DNAH2: variants seen among roughly 807,000 people sequenced by gnomAD.
The protein encoded by DNAH2 is axonemal beta dynein heavy chain 2.
DNAH2 carries 323 observed loss-of-function variants against 523.5 expected under a neutral mutation model. The ratio of observed to expected loss-of-function variants is 0.62; its 90% CI spans 0.56 to 0.68. The LOEUF (loss-of-function observed/expected upper bound fraction) is 0.68. DNAH2 is among the 30% of genes least tolerant of loss of function. The pLI, the probability that DNAH2 is intolerant of heterozygous loss-of-function variation, is 0.00. For missense variants in DNAH2, 4,907 were observed against 5,701.5 expected, an observed-to-expected ratio of 0.86 and a Z score of 4.49; for synonymous variants, 2,093 against 2,177.4, an observed-to-expected ratio of 0.96 and a Z score of 1.08.
At chr17:7,733,527 G>A (rs2151137186) in intron 5 of DNAH2, among the ~76,000 whole-genome samples, 1 of 146,784 alleles carries the variant, frequency 6.8e-6, no homozygotes, top group South Asian at 2.2e-4. Flanking sequence ...GCCCAGGCTG[G>A]AGTGCAATGG....
At chr17:7,746,927 C>T (rs1249166082) in intron 12 of DNAH2, among the ~76,000 whole-genome samples, 1 of 150,354 alleles carries the variant, frequency 6.7e-6, no homozygotes, top group Admixed American at 6.7e-5. Flanking sequence ...GCGGAGGTTG[C>T]AGTGAGCCGA....
At position 7,792,661 on chromosome 17, in the gene DNAH2, C is replaced by T. The variant is rs1285418393; in HGVS notation, c.7150C>T (p.Pro2384Ser). The T allele has an allele frequency of 1.9e-6, 3 of 1,613,840 alleles. No individual in the cohort carries two copies. Among genetic ancestry groups the T allele is most frequent in the African/African-American group, 2.7e-5 (2 of 75,018 alleles). The change falls in exon 47 of 86, where the codon CCC becomes TCC. Residue 2384 changes from proline (P) to serine (S), a missense_variant. Coordinates refer to ENST00000572933, the MANE Select transcript of DNAH2 (RefSeq NM_020877.5). Reference sequence around the variant, plus strand: ...CCGGCCCCTGCTCTTCCCTAGCGCCCCCTTCTATAAGATCATGGTGCCCAC... The same window carrying T: ...CCGGCCCCTGCTCTTCCCTAGCGCCTCCTTCTATAAGATCATGGTGCCCAC... ...PKSWRYPPNA[P>S]FYKIMVPTVD...
intron 7 of DNAH2, among the ~76,000 whole-genome samples, chr17:7,735,064 T>A (rs2075101979): frequency 1.3e-5 from 2 of 152,182 alleles, no homozygotes; most frequent in South Asian, 4.1e-4. Context: ...CTTTTTTCTT[T>A]GTTTGAATCT....
Position 7,804,539 on chromosome 17 carries a change from C to T in DNAH2, c.9183+73C>T. 5 of 1,530,152 alleles carry T rather than the reference C, an allele frequency of 3.3e-6. No homozygotes were observed. The Admixed American group carries it at 7.6e-5, about 23-fold the overall frequency. The allele number at this position is 1,530,152 out of a possible 1,614,324, so 94.8% of individuals were successfully genotyped here. ...GCTACTGCGTCAGGGAACCCATGTT[C>T]CCCCCTTCTTAAATTTTCTTTAGTG... On this transcript the variant is annotated intron_variant, in intron 59 of 85. Transcript: ENST00000572933.
In DNAH2 at chr17:7,758,541, C is replaced by G; in HGVS notation, c.2098C>G (p.Arg700Gly). The change falls in exon 14 of 86, where the codon CGT becomes GGT. Residue 700 changes from arginine (R) to glycine (G), a missense_variant. By Grantham distance (125) the Arg-to-Gly change is moderately radical. Transcript: ENST00000572933. ...SPDEQALFKE[R>G]IRLLDKKIHP... ...AGATGAGCAGGCCCTATTCAAAGAG[C>G]GTATTCGGCTCCTGGATAAGAAGAT... 6.2e-7 allele frequency: 1 copy of G among 1,614,100 alleles called. No homozygotes were observed. The highest frequency in any genetic ancestry group is 8.5e-7 in the Non-Finnish European group (1 of 1,180,020).
rs1251421519 is a variant in DNAH2 at position 7,760,213 on chromosome 17, C to CA, written c.2785+280dup. The stretch of plus-strand genomic sequence containing the variant: ...CAAAACCCCATCTCTACTAAAAATC[C>CA]AAAAATTAGCCAGGCATGGTGGCGG... On this transcript the variant is annotated intron_variant, in intron 17 of 85. Coordinates refer to ENST00000572933, the MANE Select transcript of DNAH2 (RefSeq NM_020877.5). This position sits in a 1 kb window ranked among gnomAD's most constrained non-coding sequence, Gnocchi z 4.0. Among the ~76,000 whole-genome samples the CA allele has an allele frequency of 6.6e-6, 1 of 152,060 alleles. No individual in the cohort carries two copies. Among genetic ancestry groups the CA allele is most frequent in the Non-Finnish European group, 1.5e-5 (1 of 68,004 alleles).
chr17:7,803,500 G>A (rs759507249), intron 58 of DNAH2, among the ~76,000 whole-genome samples: 21 of 151,382 alleles, frequency 1.4e-4, no homozygotes, highest in Non-Finnish European at 2.7e-4. Context: ...GTGAAACCCT[G>A]TCTCTACAAA....
intron 59 of DNAH2, 113 bp from the exon 60 acceptor site, chr17:7,804,845 C>CAAAA: frequency 3.8e-6 from 3 of 795,090 alleles, no homozygotes; most frequent in Non-Finnish European, 3.9e-6. Flanking sequence ...GACTCCATCT[C>CAAAA]AAAAAAAAAA....
In DNAH2 at chr17:7,786,777, G is replaced by C. The variant is rs1413410739; in HGVS notation, c.6466+90G>C. The C allele has an allele frequency of 5.0e-6, 8 of 1,597,904 alleles. No individual in the cohort carries two copies. The East Asian group carries it at 1.6e-4, about 31-fold the overall frequency. ...GGGGATAGGAAGTTCCAAGTTGGGA[G>C]AGAAATGCCTGGGGAATGCTGAAGT... On this transcript the variant is annotated intron_variant, in intron 41 of 85. Transcript: ENST00000572933. This position sits in a 1 kb window ranked among gnomAD's most constrained non-coding sequence, Gnocchi z 7.5.
chr17:7,824,852 T>G, intron 77 of DNAH2, 125 bp downstream of exon 77: 4 of 808,946 alleles, frequency 4.9e-6, no homozygotes, highest in Non-Finnish European at 5.5e-6. Context: ...TTCCACCTCA[T>G]TCCTCTCCTG....
chr17:7,729,904 G>C (rs2074935793), intron 4 of DNAH2, among the ~76,000 whole-genome samples: 1 of 152,078 alleles, frequency 6.6e-6, no homozygotes, highest in African/African-American at 2.4e-5. Context: ...ACAGTGGGAG[G>C]TCAAATCACC....
Position 7,788,134 on chromosome 17 carries a change from A to G in DNAH2, c.6790A>G (p.Met2264Val). Residue 2264 changes from methionine to valine, a missense_variant, in exon 44 of 86, where the codon ATG (methionine) becomes GTG (valine). Coordinates refer to ENST00000572933, the MANE Select transcript of DNAH2 (RefSeq NM_020877.5). ...QRMFEKLINK[M>V]LAFKKDNCKE... ...CATGTTCGAAAAGCTCATCAACAAG[A>G]TGCTGGCCTTTAAGAAGGACAACTG... is the stretch of plus-strand genomic sequence containing the variant. The G allele has an allele frequency of 1.2e-6, 2 of 1,614,196 alleles. No individual in the cohort carries two copies. The highest frequency in any genetic ancestry group is 2.2e-5 in the East Asian group (1 of 44,880).
chr17:7,743,891 T>C (rs1349861557), intron 12 of DNAH2: 1 of 152,696 alleles, frequency 6.5e-6, no homozygotes, highest in Non-Finnish European at 1.5e-5. Context: ...ATTAAAAATA[T>C]ATAGTGAGCA....
chr17:7,833,110 G>T lies in DNAH2; in HGVS notation c.13018G>T (p.Gly4340Cys). ...WVRGLYLEGA[G>C]WDRKNSCLVE... The stretch of plus-strand genomic sequence containing the variant: ...CCGGGGCCTGTACCTGGAAGGTGCT[G>T]GCTGGGACCGGAAGAACTCCTGCTT... The change falls in exon 85 of 86, where the codon GGC becomes TGC. Residue 4340 changes from glycine to cysteine, a missense_variant. Coordinates refer to ENST00000572933, the MANE Select transcript of DNAH2 (RefSeq NM_020877.5). 1 of 1,613,080 alleles carries T rather than the reference G, an allele frequency of 6.2e-7. No homozygotes were observed. The highest frequency in any genetic ancestry group is 1.1e-5 in the South Asian group (1 of 91,086).
intron 22 of DNAH2, 104 bp downstream of exon 22, chr17:7,766,585 A>C: frequency 2.7e-4 from 331 of 1,236,954 alleles, no homozygotes; most frequent in Non-Finnish European, 3.3e-4. Context: ...AGAGGAGCTC[A>C]CAAGGAGCTT....
At chr17:7,756,651 T>A (rs1406929578) in intron 12 of DNAH2, among the ~76,000 whole-genome samples, 3 of 152,004 alleles carry the variant, frequency 2.0e-5, no homozygotes, top group Non-Finnish European at 4.4e-5. Flanking sequence ...AAATTATTAA[T>A]GGGATATTTT....
In DNAH2 at chr17:7,798,781, G is replaced by T; in HGVS notation, c.8559+63G>T. ...TGGCCTGCCTAGCTGACCCCAGAAG[G>T]ACCACAGCTCCCAGAATGTGCCACT... is the stretch of plus-strand genomic sequence containing the variant. On this transcript the variant is annotated intron_variant, in intron 55 of 85. Transcript: ENST00000572933. This position sits in a 1 kb window ranked among gnomAD's most constrained non-coding sequence, Gnocchi z 5.5. The T allele has an allele frequency of 6.4e-7, 1 of 1,562,252 alleles. No individual in the cohort carries two copies. Among genetic ancestry groups the T allele is most frequent in the South Asian group, 1.2e-5 (1 of 86,876 alleles).
At position 7,737,149 on chromosome 17, in the gene DNAH2, C is replaced by G; in HGVS notation, c.1061C>G (p.Pro354Arg). Residue 354 changes from proline to arginine, a missense_variant, in exon 8 of 86, where the codon CCC becomes CGC. By Grantham distance (103) the Pro-to-Arg change is moderately radical (BLOSUM62 -2). Coordinates refer to ENST00000572933, the MANE Select transcript of DNAH2 (RefSeq NM_020877.5). Reference sequence around the variant, plus strand: ...TACCAGGAGTTGGCTTTCATGAAGCCCAAGGACATCTCTAGCAAGCTCCCT... The same window carrying G: ...TACCAGGAGTTGGCTTTCATGAAGCGCAAGGACATCTCTAGCAAGCTCCCT... The part of the protein sequence containing the change: ...EPYQELAFMK[P>R]KDISSKLPKL... 6.2e-7 allele frequency: 1 copy of G among 1,614,028 alleles called. No individual in the cohort carries two copies. The highest frequency in any genetic ancestry group is 8.5e-7 in the Non-Finnish European group (1 of 1,180,018).
chr17:7,814,185 C>CAAAAAAAA, intron 63 of DNAH2, among the ~76,000 whole-genome samples: 1 of 101,480 alleles, frequency 9.9e-6, no homozygotes, highest in Non-Finnish European at 2.0e-5. Flanking sequence ...CACTATTCTC[C>CAAAAAAAA]AAAAAAAAAA....
Sources: allele counts gnomAD v4.1 joint callset (sites outside exome capture counted in the v4.1 genomes callset), GRCh38; gene constraint gnomAD v4.1.1; non-coding constraint Gnocchi (gnomAD v3.1); transcripts MANE v1.5; gene names NCBI Gene and HGNC (gene_info 2026-07-23, HGNC 2026-07-21).